TNIK: variants seen among roughly 807,000 people sequenced by gnomAD.
TNIK encodes TRAF2 and NCK interacting kinase.
A neutral mutation model predicts 191.3 loss-of-function variants in TNIK; 49 were observed. The observed-to-expected ratio is 0.26, with a 90% CI of 0.20 to 0.32. TNIK has a LOEUF of 0.32. TNIK is among the 10% of genes least tolerant of loss of function. TNIK has a pLI of 1.00. For missense variants in TNIK, 1,155 were observed against 1,702.3 expected, an observed-to-expected ratio of 0.68 and a Z score of 5.66; for synonymous variants, 594 against 600.9, an observed-to-expected ratio of 0.99 and a Z score of 0.17.
At chr3:171,315,768 C>T (rs527254385) in intron 2 of TNIK, among the ~76,000 whole-genome samples, 56 of 152,138 alleles carry the variant, frequency 3.7e-4, no homozygotes, top group Non-Finnish European at 6.8e-4. Flanking sequence ...TGGCATTCCC[C>T]ACTGTGTCTG....
At chr3:171,273,944 T>C (rs1389046) in intron 2 of TNIK, among the ~76,000 whole-genome samples, 80,621 of 152,058 alleles carry the variant, frequency 0.53, 22,299 homozygotes, top group African/African-American at 0.65. Flanking sequence ...AGACATAAGT[T>C]TTCCTAAGAG....
chr3:171,163,592 A>G (rs1234524295), intron 10 of TNIK, among the ~76,000 whole-genome samples: 1 of 152,226 alleles, frequency 6.6e-6, no homozygotes, highest in Admixed American at 6.5e-5. Flanking sequence ...TCACCAAAAT[A>G]TAAAGAACCT....
At chr3:171,409,502 A>G (rs1722118582) in intron 1 of TNIK, among the ~76,000 whole-genome samples, 1 of 152,072 alleles carries the variant, frequency 6.6e-6, no homozygotes, top group African/African-American at 2.4e-5. Flanking sequence ...TAATTTATTG[A>G]TTTTTAGAAT....
At chr3:171,390,955 G>A (rs1321972556) in intron 1 of TNIK, among the ~76,000 whole-genome samples, 2 of 152,162 alleles carry the variant, frequency 1.3e-5, no homozygotes, top group African/African-American at 4.8e-5. Flanking sequence ...TAGAATCTTA[G>A]GTGACCTTTC....
At chr3:171,144,329 T>C (rs1731245973) in intron 12 of TNIK, among the ~76,000 whole-genome samples, 1 of 152,228 alleles carries the variant, frequency 6.6e-6, no homozygotes, top group Non-Finnish European at 1.5e-5. Context: ...ATGGAGTAGA[T>C]AATCAGGGAC....
intron 7 of TNIK, among the ~76,000 whole-genome samples, chr3:171,177,757 A>T (rs1736132497): frequency 6.6e-6 from 1 of 152,186 alleles, no homozygotes; most frequent in Admixed American, 6.5e-5. Flanking sequence ...ATAAGGTATG[A>T]CGTAGGGATC....
At chr3:171,264,063 T>C (rs1365044891) in intron 2 of TNIK, among the ~76,000 whole-genome samples, 4 of 94,448 alleles carry the variant, frequency 4.2e-5, no homozygotes, top group Non-Finnish European at 8.0e-5. Context: ...TGTATATATA[T>C]ACATACACAC....
intron 19 of TNIK, among the ~76,000 whole-genome samples, chr3:171,110,351 T>G (rs988215074): frequency 6.6e-5 from 10 of 152,354 alleles, no homozygotes; most frequent in Admixed American, 5.2e-4. Context: ...GGACAATTGG[T>G]GCAATGCGTT....
At chr3:171,408,935 G>C (rs541770997) in intron 1 of TNIK, among the ~76,000 whole-genome samples, 2 of 152,244 alleles carry the variant, frequency 1.3e-5, no homozygotes, top group South Asian at 4.2e-4. Context: ...CAGGGAATAA[G>C]AGTAAAAAGC....
Position 171,082,307 on chromosome 3 carries a change from C to T in TNIK, c.3257G>A (p.Arg1086Lys). The T allele has an allele frequency of 6.2e-7, 1 of 1,613,862 alleles. No individual in the cohort carries two copies. Among genetic ancestry groups the T allele is most frequent in the South Asian group, 1.1e-5 (1 of 91,060 alleles). ...QGKVYNLINR[R>K]RFQQMDVLEG... ...TAGCACATCCATCTGCTGAAATCGCCTCCGGTTGATCAGATTATAGACTTT... is the reference window on the plus strand; with the variant it reads ...TAGCACATCCATCTGCTGAAATCGCTTCCGGTTGATCAGATTATAGACTTT... Residue 1086 changes from arginine (R) to lysine (K), a missense_variant, in exon 27 of 33, where the codon AGG (arginine) becomes AAG (lysine). Transcript: ENST00000436636.
At chr3:171,415,070 A>G (rs1375655981) in intron 1 of TNIK, among the ~76,000 whole-genome samples, 1 of 151,944 alleles carries the variant, frequency 6.6e-6, no homozygotes, top group Non-Finnish European at 1.5e-5. Flanking sequence ...CAGTTGCCCA[A>G]CCCGCTGCCT....
At chr3:171,104,169 A>AGTCAAAGAAAATTAATCTTCCATT (rs1724231835) in intron 21 of TNIK, among the ~76,000 whole-genome samples, 1 of 152,142 alleles carries the variant, frequency 6.6e-6, no homozygotes, top group Non-Finnish European at 1.5e-5. Context: ...TAATACCTGT[A>AGTCAAAGAAAATTAATCTTCCATT]GTCAAAGAAA....
chr3:171,265,082 G>A (rs919835502), intron 2 of TNIK, among the ~76,000 whole-genome samples: 1 of 152,204 alleles, frequency 6.6e-6, no homozygotes, highest in African/African-American at 2.4e-5. Context: ...TCTACTAGAA[G>A]AAGGGAAAAT....
At chr3:171,183,418 T>C (rs1225055870) in intron 7 of TNIK, among the ~76,000 whole-genome samples, 1 of 152,194 alleles carries the variant, frequency 6.6e-6, no homozygotes, top group African/African-American at 2.4e-5. Context: ...TCGTCTTTTG[T>C]TGGGTAACTT....
chr3:171,377,383 C>T (rs1161554790), intron 1 of TNIK, among the ~76,000 whole-genome samples: 3 of 152,222 alleles, frequency 2.0e-5, no homozygotes, highest in African/African-American at 7.2e-5. Context: ...TCACCCTCCC[C>T]GCTCAGCTGC....
At position 171,321,696 on chromosome 3, in the gene TNIK, G is replaced by C. The variant is rs527999729; in HGVS notation, c.123+47924C>G. Among the ~76,000 whole-genome samples the C allele has an allele frequency of 6.6e-5, 10 of 152,246 alleles. No individual in the cohort carries two copies. In the South Asian group the frequency reaches 2.1e-3, roughly 32 times the overall value. The stretch of plus-strand genomic sequence containing the variant: ...CTATTATGTTACAGGCAGACAAAAA[G>C]ATTTCAGATTACCAGATTAACACAC... On this transcript the variant is annotated intron_variant, in intron 2 of 32. Coordinates refer to ENST00000436636, the MANE Select transcript of TNIK (RefSeq NM_015028.4).
intron 2 of TNIK, among the ~76,000 whole-genome samples, chr3:171,304,839 C>A (rs1275620937): frequency 1.3e-5 from 2 of 151,868 alleles, no homozygotes; most frequent in Non-Finnish European, 2.9e-5. Context: ...AGGGGAACAT[C>A]ACACACCGGG....
At chr3:171,298,173 T>C (rs1752515367) in intron 2 of TNIK, among the ~76,000 whole-genome samples, 1 of 152,236 alleles carries the variant, frequency 6.6e-6, no homozygotes, top group South Asian at 2.1e-4. Flanking sequence ...TGTGTTGGTT[T>C]CTATCTAAGT....
chr3:171,138,966 A>C (rs1310358560), intron 14 of TNIK, among the ~76,000 whole-genome samples: 7 of 152,188 alleles, frequency 4.6e-5, no homozygotes, highest in African/African-American at 1.7e-4. Context: ...ATAAAAAAGT[A>C]CTGTACTTCA....
Sources: gnomAD v4.1 joint callset for allele counts (sites outside exome capture counted in the v4.1 genomes callset) on GRCh38, gnomAD v4.1.1 for gene constraint, MANE v1.5 for transcripts, NCBI Gene and HGNC (gene_info 2026-07-23, HGNC 2026-07-21) for gene names.